The following TFAP2D variants were observed in gnomAD, a reference collection of about 807,000 sequenced individuals.
The protein encoded by TFAP2D is transcription factor AP-2-delta.
TFAP2D carries 9 observed loss-of-function variants against 43.6 expected under a neutral mutation model. The observed-to-expected ratio is 0.21, with a 90% CI of 0.12 to 0.36. TFAP2D has a LOEUF of 0.36. Ranked by LOEUF, TFAP2D falls within the 10% of genes least tolerant of loss-of-function variation. TFAP2D has a pLI of 1.00. For synonymous variants in TFAP2D, 256 were observed against 224.9 expected, an observed-to-expected ratio of 1.14 and a Z score of -1.24; for missense variants, 513 against 561.4, an observed-to-expected ratio of 0.91 and a Z score of 0.87.
chr6:50,762,678 A>G (rs1391209766), intron 7 of TFAP2D, among the ~76,000 whole-genome samples: 1 of 152,228 alleles, frequency 6.6e-6, no homozygotes, highest in Admixed American at 6.5e-5. Flanking sequence ...TAGGAAGATG[A>G]CTGTTAAATA....
At chr6:50,764,331 T>C (rs958633016) in intron 7 of TFAP2D, among the ~76,000 whole-genome samples, 2 of 152,194 alleles carry the variant, frequency 1.3e-5, no homozygotes, top group South Asian at 2.1e-4. Context: ...TATTTAATCT[T>C]TCATATGCTA....
chr6:50,715,639 C>T (rs36028887), intron 2 of TFAP2D, 26 bp downstream of exon 2: 56 of 1,563,998 alleles, frequency 3.6e-5, no homozygotes, highest in Non-Finnish European at 4.8e-5. Flanking sequence ...GCGAATTTGT[C>T]TGCTCCCTCC....
At chr6:50,742,597 G>C (rs1054733201) in intron 5 of TFAP2D, among the ~76,000 whole-genome samples, 3 of 151,038 alleles carry the variant, frequency 2.0e-5, no homozygotes, top group Non-Finnish European at 4.4e-5. Context: ...TAGATAGATA[G>C]ATAGATAGAT....
intron 7 of TFAP2D, among the ~76,000 whole-genome samples, chr6:50,758,070 G>A (rs187754881): frequency 3.3e-5 from 5 of 151,366 alleles, no homozygotes; most frequent in South Asian, 2.1e-4. Context: ...TTAATTGGAC[G>A]ATGGACTAGG....
intron 5 of TFAP2D, among the ~76,000 whole-genome samples, chr6:50,744,498 T>C (rs1769096709): frequency 6.6e-6 from 1 of 152,156 alleles, no homozygotes. Context: ...AAAAATAACA[T>C]TGTTTTCCAG....
chr6:50,715,019 C>T (rs549087271), intron 1 of TFAP2D, 97 bp from the exon 2 acceptor site: 14 of 1,488,896 alleles, frequency 9.4e-6, no homozygotes, highest in Middle Eastern at 2.3e-4. Context: ...CCTTGGAGTG[C>T]CAGAGAAAGC....
chr6:50,762,522 G>A (rs191217460), intron 7 of TFAP2D, among the ~76,000 whole-genome samples: 3 of 152,188 alleles, frequency 2.0e-5, no homozygotes, highest in Non-Finnish European at 4.4e-5. Context: ...GAAAAGTAGA[G>A]CTTCACCTCT....
intron 6 of TFAP2D, among the ~76,000 whole-genome samples, chr6:50,746,716 C>T (rs1581771167): frequency 6.6e-6 from 1 of 152,092 alleles, no homozygotes; most frequent in East Asian, 1.9e-4. Context: ...TCTTATGTAA[C>T]ATAGGACTTT....
chr6:50,745,768 C>T (rs566738622), intron 6 of TFAP2D, among the ~76,000 whole-genome samples: 1 of 151,924 alleles, frequency 6.6e-6, no homozygotes, highest in African/African-American at 2.4e-5. Flanking sequence ...CCTTGTACTG[C>T]CTCATAGTGT....
intron 7 of TFAP2D, among the ~76,000 whole-genome samples, chr6:50,759,011 A>C (rs1243112832): frequency 6.6e-6 from 1 of 151,922 alleles, no homozygotes; most frequent in Non-Finnish European, 1.5e-5. Context: ...CTTTTGATGA[A>C]TTTTTATGGA....
chr6:50,734,861 G>T (rs1581764943), intron 5 of TFAP2D, among the ~76,000 whole-genome samples: 1 of 152,014 alleles, frequency 6.6e-6, no homozygotes, highest in East Asian at 1.9e-4. Flanking sequence ...TGTTTCTTTT[G>T]CAGGATTAAC....
chr6:50,722,737 C>A (rs569725223), intron 3 of TFAP2D, among the ~76,000 whole-genome samples: 2 of 151,660 alleles, frequency 1.3e-5, no homozygotes, highest in South Asian at 4.2e-4. Context: ...ATGAGAAGAC[C>A]TAGCTTTTCC....
intron 5 of TFAP2D, among the ~76,000 whole-genome samples, chr6:50,742,698 G>A (rs966638076): frequency 5.9e-5 from 9 of 151,950 alleles, no homozygotes; most frequent in African/African-American, 2.2e-4. Flanking sequence ...ATAACAATGT[G>A]CAGCTATATT....
Position 50,715,398 on chromosome 6 carries a change from G to C in TFAP2D, c.322G>C (p.Gly108Arg), listed in dbSNP as rs778911795. ...ACAGTACTACCAGCAGATCCACCAC[G>C]GGGAGCCCACCGACTTTATTAACCT... is the stretch of plus-strand genomic sequence containing the variant. ...SQQYYQQIHH[G>R]EPTDFINLHN... Residue 108 changes from glycine to arginine, a missense_variant, in exon 2 of 8, where the codon GGG (glycine) becomes CGG (arginine). Transcript: ENST00000008391. The C allele has an allele frequency of 1.5e-5, 25 of 1,613,868 alleles. No individual in the cohort carries two copies. Among genetic ancestry groups the C allele is most frequent in the Middle Eastern group, 1.6e-4 (1 of 6,084 alleles).
chr6:50,735,180 A>T (rs1380993938), intron 5 of TFAP2D, among the ~76,000 whole-genome samples: 1 of 152,142 alleles, frequency 6.6e-6, no homozygotes, highest in African/African-American at 2.4e-5. Context: ...GCAAAGTGAG[A>T]ATAGCTGTTA....
chr6:50,768,277 T>TC (rs1769473022), intron 7 of TFAP2D, among the ~76,000 whole-genome samples: 1 of 150,500 alleles, frequency 6.6e-6, no homozygotes, highest in African/African-American at 2.4e-5. Flanking sequence ...AATTTTCTTT[T>TC]TTTTTTTTTT....
chr6:50,770,414 A>T (rs57708642), intron 7 of TFAP2D, among the ~76,000 whole-genome samples: 48,135 of 151,192 alleles, frequency 0.32, 7,791 homozygotes, highest in East Asian at 0.41. Context: ...AGAGATGGGA[A>T]TTTTTTTTTC....
chr6:50,751,259 A>C lies in TFAP2D; in HGVS notation c.1074A>C (p.Pro358=). ...ACCTCTTGAGCCAAGATAGATCACC[A>C]CTGGGATCCTCCAGACCCACTCCAA... ...FQDLLSQDRS[P]LGSSRPTPIL... is the part of the protein sequence containing the mutation. Residue 358 remains proline (P), a synonymous_variant, in exon 7 of 8, where the codon CCA becomes CCC. Coordinates refer to ENST00000008391, the MANE Select transcript of TFAP2D (RefSeq NM_172238.4). 6.2e-7 allele frequency: 1 copy of C among 1,611,732 alleles called. No homozygotes were observed. Among genetic ancestry groups the C allele is most frequent in the East Asian group, 2.2e-5 (1 of 44,792 alleles).
chr6:50,757,686 A>AT (rs1268137417), intron 7 of TFAP2D, among the ~76,000 whole-genome samples: 2 of 80,970 alleles, frequency 2.5e-5, no homozygotes, highest in Non-Finnish European at 4.3e-5. Flanking sequence ...TATATATAGA[A>AT]TATATATAAT....
Sources: gnomAD v4.1 joint callset for allele counts (sites outside exome capture counted in the v4.1 genomes callset) on GRCh38, gnomAD v4.1.1 for gene constraint, MANE v1.5 for transcripts, NCBI Gene and HGNC (gene_info 2026-07-23, HGNC 2026-07-21) for gene names.